Variants in DNAJC5B observed in about 807,000 individuals in gnomAD.
The protein encoded by DNAJC5B is dnaJ homolog subfamily C member 5B.
In DNAJC5B, 23 loss-of-function variants were observed where a neutral mutation model predicts 24.7. The ratio of observed to expected loss-of-function variants is 0.93; its 90% CI spans 0.67 to 1.32. DNAJC5B has a LOEUF of 1.32. DNAJC5B is among the 40% of genes most tolerant of loss of function. The pLI, the probability that DNAJC5B is intolerant of heterozygous loss-of-function variation, is 0.00. For missense variants in DNAJC5B, 238 were observed against 240.8 expected (o/e 0.99, Z 0.08); for synonymous variants, 101 against 90.1 (o/e 1.12, Z -0.68).
intron 5 of DNAJC5B, among the ~76,000 whole-genome samples, chr8:66,085,706 G>A (rs1300432696): frequency 2.0e-5 from 3 of 152,104 alleles, no homozygotes; most frequent in African/African-American, 7.2e-5. Flanking sequence ...TAGCTTTAAA[G>A]TAAGCCTTAA....
intron 5 of DNAJC5B, among the ~76,000 whole-genome samples, chr8:66,087,822 G>T (rs1173470727): frequency 6.6e-6 from 1 of 152,152 alleles, no homozygotes; most frequent in Non-Finnish European, 1.5e-5. Flanking sequence ...TGGCCCTGTG[G>T]CTCTGCAGGG....
intron 3 of DNAJC5B, among the ~76,000 whole-genome samples, chr8:66,071,343 C>G (rs1221356161): frequency 6.6e-6 from 1 of 152,078 alleles, no homozygotes; most frequent in East Asian, 1.9e-4. Context: ...AGAACTTAAA[C>G]AAATTTACAA....
chr8:66,051,954 C>A (rs1313919170), intron 3 of DNAJC5B, among the ~76,000 whole-genome samples: 1 of 151,504 alleles, frequency 6.6e-6, no homozygotes, highest in East Asian at 1.9e-4. Flanking sequence ...CAACCACAAC[C>A]AATTGCTGTC....
At chr8:66,067,478 G>T (rs78947298) in intron 3 of DNAJC5B, among the ~76,000 whole-genome samples, 4,951 of 152,190 alleles carry the variant, frequency 0.033, 123 homozygotes, top group Middle Eastern at 0.082. Context: ...AACCATGCCT[G>T]CTGGTTTTCA....
At chr8:66,071,327 C>T (rs769183680) in intron 3 of DNAJC5B, among the ~76,000 whole-genome samples, 4 of 152,194 alleles carry the variant, frequency 2.6e-5, no homozygotes, top group Admixed American at 6.5e-5. Flanking sequence ...TATCCAGAAT[C>T]GACAAAGAAC....
intron 5 of DNAJC5B, among the ~76,000 whole-genome samples, chr8:66,094,423 T>C (rs1563613927): frequency 1.3e-5 from 2 of 152,142 alleles, no homozygotes; most frequent in South Asian, 4.1e-4. Context: ...CAATTATATA[T>C]GTATTTTCCT....
chr8:66,099,684 G>C (rs561300538), intron 5 of DNAJC5B, among the ~76,000 whole-genome samples: 1 of 152,176 alleles, frequency 6.6e-6, no homozygotes, highest in Non-Finnish European at 1.5e-5. Flanking sequence ...AGTTCACCAG[G>C]TTCAGCAAGT....
chr8:66,099,887 G>A (rs781776148), intron 5 of DNAJC5B, 50 bp from the exon 6 acceptor site: 14 of 1,535,428 alleles, frequency 9.1e-6, no homozygotes, highest in South Asian at 2.3e-5. Context: ...TTCATTAAAA[G>A]AACTGTAACA....
At chr8:66,049,998 C>T (rs192960277) in intron 2 of DNAJC5B, among the ~76,000 whole-genome samples, 3 of 152,238 alleles carry the variant, frequency 2.0e-5, no homozygotes, top group Admixed American at 6.5e-5. Context: ...AGAGAAAAAT[C>T]GATAAAGCAG....
At chr8:66,091,916 A>G (rs1807856693) in intron 5 of DNAJC5B, among the ~76,000 whole-genome samples, 1 of 152,204 alleles carries the variant, frequency 6.6e-6, no homozygotes, top group African/African-American at 2.4e-5. Flanking sequence ...TCAGACACAA[A>G]AGGACAAACA....
intron 3 of DNAJC5B, among the ~76,000 whole-genome samples, chr8:66,061,610 A>AGTGT (rs975887880): frequency 0.01 from 1,464 of 145,046 alleles, 8 homozygotes; most frequent in Middle Eastern, 0.028. Flanking sequence ...AGAGAGAGAG[A>AGTGT]GTGTGTGTGT....
intron 3 of DNAJC5B, among the ~76,000 whole-genome samples, chr8:66,071,078 A>C (rs1325848543): frequency 6.6e-6 from 1 of 152,238 alleles, no homozygotes; most frequent in Non-Finnish European, 1.5e-5. Context: ...CTTAAATGTA[A>C]GACCTAGTAC....
chr8:66,021,299 G>A (rs1806115623), upstream of DNAJC5B, among the ~76,000 whole-genome samples: 1 of 152,194 alleles, frequency 6.6e-6, no homozygotes, highest in Non-Finnish European at 1.5e-5. Context: ...TCTCCCCACA[G>A]TTAAGATCCC....
chr8:66,019,385 G>GA (rs1402788300), upstream of DNAJC5B, among the ~76,000 whole-genome samples: 6 of 152,118 alleles, frequency 3.9e-5, no homozygotes, highest in East Asian at 1.9e-4. Context: ...GATCAGAGGT[G>GA]AAAAAAGAGA....
chr8:66,057,819 T>C (rs957756513), intron 3 of DNAJC5B: 1 of 152,236 alleles, frequency 6.6e-6, no homozygotes, highest in Non-Finnish European at 1.5e-5. Context: ...ATTCTGTATC[T>C]GGTGAAACTA....
chr8:66,082,048 C>G (rs140724523), intron 5 of DNAJC5B, among the ~76,000 whole-genome samples: 330 of 152,126 alleles, frequency 2.2e-3, no homozygotes, highest in African/African-American at 7.1e-3. Context: ...ACACAACTTG[C>G]CTGAGAATGA....
chr8:66,075,962 A>G (rs16932465), intron 3 of DNAJC5B, among the ~76,000 whole-genome samples: 11,590 of 152,294 alleles, frequency 0.076, 700 homozygotes, highest in African/African-American at 0.16. Context: ...TAGGCACAGT[A>G]GGGAGATGAG....
intron 1 of DNAJC5B, among the ~76,000 whole-genome samples, chr8:66,029,339 G>A (rs1292382612): frequency 2.0e-5 from 3 of 152,206 alleles, no homozygotes; most frequent in African/African-American, 7.2e-5. Flanking sequence ...GCTAAACAGT[G>A]TATAGTAGTT....
chr8:66,070,483 G>A (rs1563603350), intron 3 of DNAJC5B, among the ~76,000 whole-genome samples: 3 of 152,064 alleles, frequency 2.0e-5, no homozygotes, highest in African/African-American at 7.2e-5. Flanking sequence ...AAATACCTAG[G>A]AATCCAACTT....
Sources: allele counts gnomAD v4.1 joint callset (sites outside exome capture counted in the v4.1 genomes callset), GRCh38; gene constraint gnomAD v4.1.1; transcripts MANE v1.5; gene names NCBI Gene and HGNC (gene_info 2026-07-23, HGNC 2026-07-21).